MBOAT2: variants seen among roughly 807,000 people sequenced by gnomAD.
MBOAT2 encodes membrane-bound glycerophospholipid O-acyltransferase 2.
MBOAT2 carries 28 observed loss-of-function variants against 63.4 expected under a neutral mutation model. That is an observed-to-expected ratio of 0.44 (90% CI 0.33 to 0.61). The LOEUF is 0.61. MBOAT2 is among the 20% of genes least tolerant of loss of function. MBOAT2 has a pLI of 0.03. For missense variants in MBOAT2, 470 were observed against 605.8 expected, an observed-to-expected ratio of 0.78 and a Z score of 2.35; for synonymous variants, 211 against 215.6, an observed-to-expected ratio of 0.98 and a Z score of 0.19.
intron 3 of MBOAT2, among the ~76,000 whole-genome samples, chr2:8,932,497 C>G (rs1489390131): frequency 6.6e-6 from 1 of 152,094 alleles, no homozygotes; most frequent in Non-Finnish European, 1.5e-5. Context: ...GATTTTTATG[C>G]TAGCAGGTAA....
chr2:8,865,408 T>C (rs1661799262), intron 9 of MBOAT2, among the ~76,000 whole-genome samples: 1 of 152,186 alleles, frequency 6.6e-6, no homozygotes. Flanking sequence ...ACACTTATCC[T>C]GCCCTCCTTC....
chr2:8,965,564 C>T (rs1450744177), intron 1 of MBOAT2, among the ~76,000 whole-genome samples: 1 of 152,164 alleles, frequency 6.6e-6, no homozygotes, highest in Admixed American at 6.6e-5. Flanking sequence ...ATGTTATCCA[C>T]AAATTTACAT....
intron 2 of MBOAT2, among the ~76,000 whole-genome samples, chr2:8,946,061 A>G (rs955029137): frequency 1.3e-5 from 2 of 152,192 alleles, no homozygotes; most frequent in African/African-American, 2.4e-5. Context: ...AAACACAAAA[A>G]TTTCCAATCT....
chr2:8,890,891 G>C lies in MBOAT2; in HGVS notation c.396-2818C>G, dbSNP rs74395364. Among the ~76,000 whole-genome samples the C allele has an allele frequency of 7.0e-3, 1,067 of 152,246 alleles. 12 individuals carry two copies. Among genetic ancestry groups the C allele is most frequent in the South Asian group, 0.02 (97 of 4,826 alleles). ...GTCAAGATCTATTATTCCTTCTGTA[G>C]GTTAATTATACTCTCTCCCATCTGT... On this transcript the variant is annotated intron_variant, in intron 4 of 12. Coordinates refer to ENST00000305997, the MANE Select transcript of MBOAT2 (RefSeq NM_138799.4).
At chr2:8,912,491 A>G (rs767714330) in intron 3 of MBOAT2, among the ~76,000 whole-genome samples, 4 of 152,172 alleles carry the variant, frequency 2.6e-5, no homozygotes, top group Non-Finnish European at 5.9e-5. Context: ...AGAATTCAGC[A>G]AAGTTTTCTG....
chr2:8,918,663 T>C (rs1666361358), intron 3 of MBOAT2, among the ~76,000 whole-genome samples: 1 of 152,230 alleles, frequency 6.6e-6, no homozygotes, highest in Admixed American at 6.5e-5. Context: ...ACCTGAATTA[T>C]AGTTCCTATC....
chr2:8,881,491 C>T lies in MBOAT2; in HGVS notation c.506+1020G>A, dbSNP rs115087157. On this transcript the variant is annotated intron_variant, in intron 6 of 12. Coordinates refer to ENST00000305997, the MANE Select transcript of MBOAT2 (RefSeq NM_138799.4). The stretch of plus-strand genomic sequence containing the variant: ...GTCAGCAAGACAGTGTTTTTCTACT[C>T]AGCATTCTTCCCCTGTTCAGGTAGG... Among the ~76,000 whole-genome samples the T allele has an allele frequency of 2.6e-3, 394 of 152,210 alleles. 2 individuals carry two copies. The highest frequency in any genetic ancestry group is 9.0e-3 in the African/African-American group (375 of 41,524).
intron 3 of MBOAT2, among the ~76,000 whole-genome samples, chr2:8,917,667 G>T (rs1666284274): frequency 6.6e-6 from 1 of 152,190 alleles, no homozygotes; most frequent in Non-Finnish European, 1.5e-5. Context: ...ACTTTGGGAA[G>T]TTTGGCAATT....
intron 12 of MBOAT2, among the ~76,000 whole-genome samples, chr2:8,859,910 T>C (rs373842592): frequency 1.3e-5 from 2 of 151,976 alleles, no homozygotes; most frequent in South Asian, 2.1e-4. Context: ...TTAGGCTGGG[T>C]GTGGTGGCTC....
chr2:8,984,540 C>A (rs960849556), intron 1 of MBOAT2, among the ~76,000 whole-genome samples: 1 of 152,014 alleles, frequency 6.6e-6, no homozygotes, highest in Non-Finnish European at 1.5e-5. Context: ...TAAGTGGGAG[C>A]GCAAGTGGCT....
At chr2:8,882,308 G>T (rs559233449) in intron 6 of MBOAT2, among the ~76,000 whole-genome samples, 3 of 152,330 alleles carry the variant, frequency 2.0e-5, no homozygotes, top group Admixed American at 6.5e-5. Context: ...CAATCGCAGA[G>T]GCAGGGTGCT....
chr2:8,889,141 G>GA (rs1281652974), intron 4 of MBOAT2, among the ~76,000 whole-genome samples: 2 of 152,210 alleles, frequency 1.3e-5, no homozygotes, highest in African/African-American at 2.4e-5. Flanking sequence ...CAGGAGGGGA[G>GA]AGGACCCCAG....
intron 4 of MBOAT2, among the ~76,000 whole-genome samples, chr2:8,896,682 T>C (rs1232539803): frequency 2.0e-5 from 3 of 152,262 alleles, no homozygotes; most frequent in African/African-American, 7.2e-5. Context: ...CCTGATTCTA[T>C]AAGTACTTTA....
chr2:8,933,655 T>C (rs977122628), intron 3 of MBOAT2, among the ~76,000 whole-genome samples: 1 of 152,208 alleles, frequency 6.6e-6, no homozygotes, highest in African/African-American at 2.4e-5. Flanking sequence ...TTTTGATTTT[T>C]TAATTGATTA....
chr2:8,878,763 A>C (rs930297868), intron 6 of MBOAT2, among the ~76,000 whole-genome samples: 3 of 152,136 alleles, frequency 2.0e-5, no homozygotes, highest in Non-Finnish European at 4.4e-5. Flanking sequence ...TTCCAGAATT[A>C]TTTTTCCACT....
intron 6 of MBOAT2, among the ~76,000 whole-genome samples, chr2:8,879,160 A>G (rs1415044276): frequency 6.6e-6 from 1 of 151,950 alleles, no homozygotes; most frequent in Non-Finnish European, 1.5e-5. Context: ...TGTTTCTGGC[A>G]GATTTTCTCT....
intron 1 of MBOAT2, among the ~76,000 whole-genome samples, chr2:8,992,793 C>G (rs1291881325): frequency 6.6e-6 from 1 of 152,194 alleles, no homozygotes; most frequent in Non-Finnish European, 1.5e-5. Flanking sequence ...TTGGGACTTC[C>G]CAGAAGAATG....
rs1229624678 is a variant in MBOAT2 at position 8,873,849 on chromosome 2, C to A, written c.691-549G>T. On this transcript the variant is annotated intron_variant, in intron 7 of 12. Transcript: ENST00000305997. ...GAAGAATAAGAATTTGCATAAAAGA[C>A]CCTGGTGAAAGGAAGAGGCTATTCT... 2.0e-5 allele frequency among the ~76,000 whole-genome samples: 3 copies of A among 152,182 alleles called. No individual in the cohort carries two copies. The East Asian group carries it at 5.8e-4, about 29-fold the overall frequency.
At chr2:8,946,841 T>C (rs923844484) in intron 2 of MBOAT2, among the ~76,000 whole-genome samples, 17 of 152,204 alleles carry the variant, frequency 1.1e-4, no homozygotes, top group African/African-American at 3.9e-4. Flanking sequence ...CTCCTGAGGC[T>C]TCCCCATTCC....
Sources: allele counts gnomAD v4.1 joint callset (sites outside exome capture counted in the v4.1 genomes callset), GRCh38; gene constraint gnomAD v4.1.1; transcripts MANE v1.5; gene names NCBI Gene and HGNC (gene_info 2026-07-23, HGNC 2026-07-21).